AIM2: variants seen among roughly 807,000 people sequenced by gnomAD.
The protein encoded by AIM2 is absent in melanoma 2.
A neutral mutation model predicts 27.7 loss-of-function variants in AIM2; 30 were observed. The ratio of observed to expected loss-of-function variants is 1.08; its 90% CI spans 0.81 to 1.47. AIM2 has a LOEUF of 1.47. Among genes scored for constraint, AIM2 ranks in the 40% most tolerant of loss-of-function variants. The probability of loss-of-function intolerance (pLI) is 0.00; values close to 1 mark genes in which losing one functional copy is unlikely to be tolerated. For missense variants in AIM2, 358 were observed against 411.3 expected, an observed-to-expected ratio of 0.87 and a Z score of 1.12; for synonymous variants, 141 against 145.3, an observed-to-expected ratio of 0.97 and a Z score of 0.21.
chr1:159,107,011 T>C (rs1483154075), intron 1 of AIM2, among the ~76,000 whole-genome samples: 1 of 152,256 alleles, frequency 6.6e-6, no homozygotes, highest in Non-Finnish European at 1.5e-5. Context: ...TAGATGCTTC[T>C]ATAGGATTAT....
chr1:159,061,094 C>A (rs1655819066), downstream of AIM2, among the ~76,000 whole-genome samples: 1 of 152,164 alleles, frequency 6.6e-6, no homozygotes, highest in African/African-American at 2.4e-5. Flanking sequence ...AACTCTTTTG[C>A]ATAAAGGTTA....
chr1:159,094,741 A>AT (rs561834318), intron 1 of AIM2, among the ~76,000 whole-genome samples: 50 of 152,234 alleles, frequency 3.3e-4, no homozygotes, highest in African/African-American at 1.2e-3. Context: ...TTCTCACTGA[A>AT]TTTTTTTAAG....
chr1:159,075,574 C>CACATAT (rs1553215635), intron 1 of AIM2, among the ~76,000 whole-genome samples: 176 of 109,198 alleles, frequency 1.6e-3, no homozygotes, highest in East Asian at 0.012. Context: ...CACACACACA[C>CACATAT]ATATATATAT....
upstream of AIM2, among the ~76,000 whole-genome samples, chr1:159,080,071 T>C (rs1200085752): frequency 6.6e-6 from 1 of 152,226 alleles, no homozygotes. Context: ...TATCTGTTTA[T>C]CCATTCACCT....
At chr1:159,136,731 A>G (rs1648015630) in intron 1 of AIM2, among the ~76,000 whole-genome samples, 1 of 152,252 alleles carries the variant, frequency 6.6e-6, no homozygotes. Flanking sequence ...TTTCTGGGAT[A>G]AGGTCTATTT....
rs41264453 is a variant in AIM2, at chr1:159,066,010, G to A, written c.716C>T (p.Pro239Leu). The A allele has an allele frequency of 9.7e-5, 157 of 1,614,082 alleles. No individual in the cohort carries two copies. The highest frequency in any genetic ancestry group is 7.6e-4 in the African/African-American group (57 of 75,022). Residue 239 changes from proline (P) to leucine (L), a missense_variant, in exon 4 of 6, where the codon CCG (proline) becomes CTG (leucine). By Grantham distance (98) the Pro-to-Leu change is moderately conservative. Coordinates refer to ENST00000368130, the MANE Select transcript of AIM2 (RefSeq NM_004833.3). The part of the protein sequence containing the change: ...DAESDQKVNV[P>L]LNIIRKAGET... ...ACCAGCTTTTCTGATAATGTTCAGC[G>A]GGACATTAACCTTTTGGTCAGATTC...
At position 159,070,549 on chromosome 1, in the gene AIM2, G is replaced by T. The variant is rs58457598; in HGVS notation, c.263-1848C>A. Among the ~76,000 whole-genome samples, 708 of 152,316 alleles carry T rather than the reference G, an allele frequency of 4.6e-3. 7 individuals carry two copies. The highest frequency in any genetic ancestry group is 0.016 in the African/African-American group (682 of 41,572). Reference sequence around the variant, plus strand: ...GGCACTCTCAGGCAGAAGAGGGCCTGGGAAATTATTAGATGTTATTTCTGA... The same window carrying T: ...GGCACTCTCAGGCAGAAGAGGGCCTTGGAAATTATTAGATGTTATTTCTGA... On this transcript the variant is annotated intron_variant, in intron 2 of 5. Transcript: ENST00000368130.
chr1:159,112,079 C>T (rs1657589476), intron 1 of AIM2, among the ~76,000 whole-genome samples: 1 of 151,838 alleles, frequency 6.6e-6, no homozygotes, highest in South Asian at 2.1e-4. Context: ...ATGGTAACAC[C>T]AAATCTAAAT....
chr1:159,067,362 T>A (rs754789786), intron 3 of AIM2, among the ~76,000 whole-genome samples: 2 of 152,184 alleles, frequency 1.3e-5, no homozygotes, highest in African/African-American at 2.4e-5. Flanking sequence ...TACTACTTTT[T>A]AAAAGCCACT....
At chr1:159,109,070 A>T (rs1657512321) in intron 1 of AIM2, among the ~76,000 whole-genome samples, 1 of 152,208 alleles carries the variant, frequency 6.6e-6, no homozygotes, top group African/African-American at 2.4e-5. Context: ...ACCAAAAAAC[A>T]GCTCACATAG....
At chr1:159,130,097 C>G (rs529913063) in intron 1 of AIM2, among the ~76,000 whole-genome samples, 1 of 152,142 alleles carries the variant, frequency 6.6e-6, no homozygotes, top group African/African-American at 2.4e-5. Flanking sequence ...CTCGTGCACC[C>G]TTTTTTAAAA....
At chr1:159,055,872 T>C in the AIM2 span, among the ~76,000 whole-genome samples, 1 of 152,212 alleles carries the variant, frequency 6.6e-6, no homozygotes, top group Non-Finnish European at 1.5e-5. Flanking sequence ...CACCCTATAA[T>C]ATGTGACAAA....
the AIM2 span, among the ~76,000 whole-genome samples, chr1:159,056,991 T>C: frequency 6.6e-6 from 1 of 152,026 alleles, no homozygotes; most frequent in Admixed American, 6.5e-5. Flanking sequence ...GGGGTACAGA[T>C]TGAAAATGAA....
At chr1:159,078,887 C>G (rs901370162), upstream of AIM2, among the ~76,000 whole-genome samples, 1 of 152,206 alleles carries the variant, frequency 6.6e-6, no homozygotes, top group Non-Finnish European at 1.5e-5. Flanking sequence ...GGGAAAAACT[C>G]TCACCGTTAC....
intron 3 of AIM2, among the ~76,000 whole-genome samples, chr1:159,067,008 G>T (rs1031678514): frequency 6.6e-6 from 1 of 151,946 alleles, no homozygotes; most frequent in Non-Finnish European, 1.5e-5. Flanking sequence ...TATAAAAAAA[G>T]AAATAATTTA....
At chr1:159,062,410 C>T (rs1410934398), downstream of AIM2, 3 of 476,076 alleles carry the variant, frequency 6.3e-6, no homozygotes, top group South Asian at 5.3e-5. Context: ...GTATAAACAT[C>T]ATATAATACA....
chr1:159,121,126 C>A (rs565827935), intron 1 of AIM2, among the ~76,000 whole-genome samples: 1 of 152,162 alleles, frequency 6.6e-6, no homozygotes, highest in Non-Finnish European at 1.5e-5. Flanking sequence ...ATAGCAAGCT[C>A]TTTCCCCAAG....
intron 1 of AIM2, among the ~76,000 whole-genome samples, chr1:159,128,801 T>C (rs1246337332): frequency 6.6e-6 from 1 of 152,182 alleles, no homozygotes; most frequent in Non-Finnish European, 1.5e-5. Flanking sequence ...CCTAGTCAGC[T>C]CACTCTTCAT....
the AIM2 span, among the ~76,000 whole-genome samples, chr1:159,057,468 C>T: frequency 6.6e-6 from 1 of 152,268 alleles, no homozygotes; most frequent in East Asian, 1.9e-4. Context: ...TTGGTTAGCT[C>T]CCTTGGTGTT....
Sources: allele counts gnomAD v4.1 joint callset (sites outside exome capture counted in the v4.1 genomes callset), GRCh38; gene constraint gnomAD v4.1.1; transcripts MANE v1.5; gene names NCBI Gene and HGNC (gene_info 2026-07-23, HGNC 2026-07-21).